Variants in TRABD2A observed in about 807,000 individuals in gnomAD.
TRABD2A encodes the protein TraB domain containing 2A, also known as metalloprotease TIKI1.
TRABD2A carries 43 observed loss-of-function variants against 45.6 expected under a neutral mutation model. That is an observed-to-expected ratio of 0.94 (90% CI 0.74 to 1.22). TRABD2A has a LOEUF of 1.22. TRABD2A is among the 50% of genes most tolerant of loss of function. The pLI is 0.00. For missense variants in TRABD2A, 642 were observed against 652.4 expected, an observed-to-expected ratio of 0.98 and a Z score of 0.17; for synonymous variants, 269 against 265.0, an observed-to-expected ratio of 1.02 and a Z score of -0.15.
chr2:84,856,119 C>T (rs1682294281), intron 2 of TRABD2A, among the ~76,000 whole-genome samples: 1 of 152,138 alleles, frequency 6.6e-6, no homozygotes. Flanking sequence ...TTTTGAGAGC[C>T]ATTCAGTCCC....
chr2:84,880,897 G>C, intron 1 of TRABD2A, 35 bp downstream of exon 1: 1 of 1,560,952 alleles, frequency 6.4e-7, no homozygotes, highest in Non-Finnish European at 8.7e-7. Flanking sequence ...GAGGTGCAGA[G>C]AGGCCGGCTC....
At chr2:84,832,442 A>C in intron 4 of TRABD2A, 1 of 375,486 alleles carries the variant, frequency 2.7e-6, no homozygotes, top group South Asian at 3.5e-5. Flanking sequence ...ACCTGGTAAG[A>C]CCTCCCAGAA....
chr2:84,852,689 CT>C (rs1682138320), intron 2 of TRABD2A, among the ~76,000 whole-genome samples: 2 of 152,274 alleles, frequency 1.3e-5, no homozygotes, highest in South Asian at 2.1e-4. Context: ...AATGTGACAA[CT>C]GCAAAGATGA....
chr2:84,836,193 T>C (rs1463164175), intron 4 of TRABD2A: 1 of 152,358 alleles, frequency 6.6e-6, no homozygotes, highest in East Asian at 1.9e-4. Flanking sequence ...ATAGTTGAAC[T>C]GAAGAGCATC....
At chr2:84,869,320 G>A (rs1456277790) in intron 2 of TRABD2A, among the ~76,000 whole-genome samples, 1 of 152,168 alleles carries the variant, frequency 6.6e-6, no homozygotes, top group African/African-American at 2.4e-5. Context: ...GTCTCCAGAA[G>A]TGTCTAATGC....
chr2:84,832,172 G>T, intron 4 of TRABD2A, 27 bp from the exon 5 acceptor site: 1 of 1,609,492 alleles, frequency 6.2e-7, no homozygotes. Flanking sequence ...AACCTGAAAT[G>T]CTGCAGCTCT....
chr2:84,874,494 T>C (rs1483442358), intron 1 of TRABD2A, among the ~76,000 whole-genome samples: 1 of 152,198 alleles, frequency 6.6e-6, no homozygotes, highest in Non-Finnish European at 1.5e-5. Flanking sequence ...TTGGTGCCAA[T>C]TGCTGTGGAG....
chr2:84,863,239 C>CTTTTTTTTTTTTTTTTTTTTTTTT lies in TRABD2A; in HGVS notation c.669+6985_669+6986insAAAAAAAAAAAAAAAAAAAAAAAA, dbSNP rs773927512. 6.9e-4 allele frequency among the ~76,000 whole-genome samples: 68 copies of CTTTTTTTTTTTTTTTTTTTTTTTT among 98,130 alleles called. 4 individuals carry two copies. Among genetic ancestry groups the CTTTTTTTTTTTTTTTTTTTTTTTT allele is most frequent in the African/African-American group, 9.3e-4 (21 of 22,660 alleles). The allele number at this position is 98,130 out of a possible 152,430, so 64.4% of individuals were successfully genotyped here. A position where few individuals can be genotyped will look rare whatever the true frequency, so the allele number is the denominator to read the frequency against. ...CCAAAAGGTTAGACTTCATGTGAAT[C>CTTTTTTTTTTTTTTTTTTTTTTTT]TTTTTTTTTTTTTTTTTTTTTTTGA... On this transcript the variant is annotated intron_variant, in intron 2 of 6. Coordinates refer to ENST00000409520, the MANE Select transcript of TRABD2A (RefSeq NM_001277053.2).
intron 2 of TRABD2A, among the ~76,000 whole-genome samples, chr2:84,851,966 CCT>C (rs1464579910): frequency 5.3e-5 from 8 of 152,344 alleles, no homozygotes; most frequent in South Asian, 4.1e-4. Context: ...TCCATCCTGA[CCT>C]CTCTGCCTTG....
intron 2 of TRABD2A, among the ~76,000 whole-genome samples, chr2:84,850,479 G>A (rs1682044867): frequency 6.6e-6 from 1 of 152,110 alleles, no homozygotes; most frequent in African/African-American, 2.4e-5. Flanking sequence ...AAGAACCAAT[G>A]GGCGTGTGAC....
At chr2:84,848,328 T>TGATAGATA (rs58667309) in intron 2 of TRABD2A, among the ~76,000 whole-genome samples, 261 of 126,904 alleles carry the variant, frequency 2.1e-3, no homozygotes, top group Non-Finnish European at 2.9e-3. Flanking sequence ...CACATAAAAA[T>TGATAGATA]GATAGATAGA....
Position 84,840,818 on chromosome 2 carries a change from A to G in TRABD2A, c.816+1043T>C, listed in dbSNP as rs1339263507. Among the ~76,000 whole-genome samples the G allele has an allele frequency of 2.6e-5, 4 of 151,718 alleles. No individual in the cohort carries two copies. In the East Asian group the frequency reaches 7.7e-4, roughly 29 times the overall value. On this transcript the variant is annotated intron_variant, in intron 3 of 6. Transcript: ENST00000409520. ...TTTCCTCCTGCTTCACTTTGTCTCA[A>G]TTTGACTTTTTTTTCCTCTAGATTT...
intron 1 of TRABD2A, among the ~76,000 whole-genome samples, chr2:84,876,064 T>C (rs1475340302): frequency 6.6e-6 from 1 of 150,614 alleles, no homozygotes; most frequent in Non-Finnish European, 1.5e-5. Flanking sequence ...CATTAACAGA[T>C]ATGGAGAAGG....
chr2:84,869,112 A>G (rs1046127717), intron 2 of TRABD2A, among the ~76,000 whole-genome samples: 1 of 152,228 alleles, frequency 6.6e-6, no homozygotes, highest in Non-Finnish European at 1.5e-5. Context: ...TTATCAACTC[A>G]GGAACATTAT....
chr2:84,854,555 C>G (rs1682209019), intron 2 of TRABD2A, among the ~76,000 whole-genome samples: 1 of 152,326 alleles, frequency 6.6e-6, no homozygotes, highest in East Asian at 1.9e-4. Flanking sequence ...AGGATTCAAA[C>G]CCAGATCCAC....
intron 2 of TRABD2A, among the ~76,000 whole-genome samples, chr2:84,857,104 C>G (rs1258592673): frequency 1.3e-5 from 2 of 152,180 alleles, no homozygotes; most frequent in Non-Finnish European, 2.9e-5. Flanking sequence ...GAACTTGGAG[C>G]CTCCAGAACT....
intron 4 of TRABD2A, chr2:84,834,470 G>A (rs1053845838): frequency 5.3e-5 from 8 of 152,140 alleles, no homozygotes; most frequent in African/African-American, 9.7e-5. Context: ...TCCTTTTAAC[G>A]TATGCCAGTC....
At chr2:84,852,439 GA>G (rs1682130312) in intron 2 of TRABD2A, among the ~76,000 whole-genome samples, 1 of 152,122 alleles carries the variant, frequency 6.6e-6, no homozygotes, top group East Asian at 1.9e-4. Flanking sequence ...TGGGATTGGG[GA>G]AGGGGTTGCC....
At position 84,845,071 on chromosome 2, in the gene TRABD2A, C is replaced by A. The variant is rs550948206; in HGVS notation, c.670-3064G>T. Among the ~76,000 whole-genome samples, 30 of 152,290 alleles carry A rather than the reference C, an allele frequency of 2.0e-4. No individual in the cohort carries two copies. The South Asian group carries it at 5.8e-3, about 29-fold the overall frequency. Reference sequence around the variant, plus strand: ...TCACAGATTAAATAAGAACTTTAGGCCAGGCGCGGTGGCTCACACCTGTGA... The same window carrying A: ...TCACAGATTAAATAAGAACTTTAGGACAGGCGCGGTGGCTCACACCTGTGA... On this transcript the variant is annotated intron_variant, in intron 2 of 6. Transcript: ENST00000409520.
Sources: gnomAD v4.1 joint callset for allele counts (sites outside exome capture counted in the v4.1 genomes callset) on GRCh38, gnomAD v4.1.1 for gene constraint, MANE v1.5 for transcripts, NCBI Gene and HGNC (gene_info 2026-07-23, HGNC 2026-07-21) for gene names.